The following SRGAP3 variants were observed in gnomAD, a reference collection of about 807,000 sequenced individuals.
SRGAP3 encodes the protein SLIT-ROBO Rho GTPase-activating protein 3.
A neutral mutation model predicts 121.1 loss-of-function variants in SRGAP3; 39 were observed. That is an observed-to-expected ratio of 0.32 (90% CI 0.25 to 0.42). The LOEUF is 0.42. Among genes scored for constraint, SRGAP3 ranks in the 10% least tolerant of loss-of-function variants. SRGAP3 has a pLI of 1.00. For synonymous variants in SRGAP3, 601 were observed against 570.0 expected (o/e 1.05, Z -0.77); for missense variants, 1,213 against 1,470.6 (o/e 0.82, Z 2.86).
chr3:9,248,686 C>T (rs986291379), intron 1 of SRGAP3, among the ~76,000 whole-genome samples, 199 bp downstream of exon 1: 2 of 152,176 alleles, frequency 1.3e-5, no homozygotes, highest in Non-Finnish European at 2.9e-5. Context: ...ATAATCCACA[C>T]TCCCAGCCCC....
intron 1 of SRGAP3, among the ~76,000 whole-genome samples, chr3:9,188,749 A>C (rs1951671438): frequency 6.6e-6 from 1 of 152,214 alleles, no homozygotes; most frequent in African/African-American, 2.4e-5. Context: ...AAAGCAATCT[A>C]AATTAATGCG....
intron 3 of SRGAP3, among the ~76,000 whole-genome samples, chr3:9,296,008 C>A (rs148990509): frequency 9.1e-4 from 138 of 152,278 alleles, no homozygotes; most frequent in African/African-American, 3.0e-3. Context: ...TCATTGTATA[C>A]TTAGAGCACA....
At chr3:9,071,689 T>C (rs927800099) in intron 4 of SRGAP3, among the ~76,000 whole-genome samples, 3 of 139,628 alleles carry the variant, frequency 2.1e-5, no homozygotes, top group Non-Finnish European at 4.8e-5. Flanking sequence ...GATGGATGGA[T>C]GGATTGGAAA....
intron 1 of SRGAP3, among the ~76,000 whole-genome samples, chr3:9,203,837 T>G (rs1022108794): frequency 1.3e-5 from 2 of 152,196 alleles, no homozygotes; most frequent in African/African-American, 4.8e-5. Flanking sequence ...GCAAATGGCT[T>G]TCATACCCGG....
intron 3 of SRGAP3, among the ~76,000 whole-genome samples, chr3:9,080,798 G>T (rs1050631088): frequency 6.6e-6 from 1 of 152,132 alleles, no homozygotes; most frequent in African/African-American, 2.4e-5. Context: ...AAAATCTAAT[G>T]CAGGATGATC....
chr3:9,227,528 G>C (rs1953033891), intron 1 of SRGAP3, among the ~76,000 whole-genome samples: 1 of 152,228 alleles, frequency 6.6e-6, no homozygotes, highest in Non-Finnish European at 1.5e-5. Context: ...CCAAGGTCAA[G>C]CAATTAGTAA....
chr3:9,130,449 T>C (rs898188731), intron 1 of SRGAP3, among the ~76,000 whole-genome samples: 1 of 152,112 alleles, frequency 6.6e-6, no homozygotes, highest in Non-Finnish European at 1.5e-5. Context: ...AAAATATAAC[T>C]ATGCAGTGAG....
At chr3:9,246,161 C>A (rs769408533) in intron 1 of SRGAP3, among the ~76,000 whole-genome samples, 7 of 152,098 alleles carry the variant, frequency 4.6e-5, no homozygotes, top group Non-Finnish European at 8.8e-5. Flanking sequence ...TCTATAAATT[C>A]TTGAAAAAGA....
chr3:9,199,912 C>T (rs1192664353), intron 1 of SRGAP3, among the ~76,000 whole-genome samples: 1 of 152,000 alleles, frequency 6.6e-6, no homozygotes, highest in Non-Finnish European at 1.5e-5. Flanking sequence ...AATAAAGGAA[C>T]AATGACAAAA....
chr3:9,253,047 C>T (rs1388220475), upstream of SRGAP3, among the ~76,000 whole-genome samples: 1 of 152,164 alleles, frequency 6.6e-6, no homozygotes, highest in Admixed American at 6.5e-5. Context: ...GGGCCAAGCA[C>T]TCTATGTAGA....
chr3:9,150,959 T>C (rs1383585463), intron 1 of SRGAP3, among the ~76,000 whole-genome samples: 1 of 152,200 alleles, frequency 6.6e-6, no homozygotes, highest in East Asian at 1.9e-4. Context: ...CCAGACTTTC[T>C]ACATAAGCAG....
chr3:8,990,936 A>T, intron 20 of SRGAP3, 97 bp from the exon 21 acceptor site: 2 of 1,087,426 alleles, frequency 1.8e-6, no homozygotes, highest in South Asian at 1.8e-5. Flanking sequence ...ACTACACGCT[A>T]GTCTAAGGAG....
At chr3:9,105,887 C>A (rs971976695) in intron 2 of SRGAP3, among the ~76,000 whole-genome samples, 1 of 152,202 alleles carries the variant, frequency 6.6e-6, no homozygotes, top group African/African-American at 2.4e-5. Context: ...CCTACCCTAC[C>A]TTAAACGTGC....
At chr3:9,044,745 T>C (rs941589940) in intron 10 of SRGAP3, among the ~76,000 whole-genome samples, 3 of 152,146 alleles carry the variant, frequency 2.0e-5, no homozygotes, top group African/African-American at 7.2e-5. Context: ...ACCAAAACGC[T>C]CAGGAAAAGG....
At chr3:9,274,524 G>T (rs183778268) in intron 3 of SRGAP3, among the ~76,000 whole-genome samples, 75 of 152,308 alleles carry the variant, frequency 4.9e-4, no homozygotes, top group African/African-American at 1.7e-3. Flanking sequence ...GACCCCTGAA[G>T]CCCCAGAAGG....
In SRGAP3 at chr3:9,182,175, C is replaced by CAAAAAAAAAAAA. The variant is rs34305216; in HGVS notation, c.68-57270_68-57259dup. Among the ~76,000 whole-genome samples the CAAAAAAAAAAAA allele has an allele frequency of 1.9e-4, 7 of 37,278 alleles. 1 individual carries two copies. The highest frequency in any genetic ancestry group is 2.8e-4 in the African/African-American group (2 of 7,126). 24.5% of individuals were successfully genotyped at this position (37,278 alleles called of 152,430 possible). On this transcript the variant is annotated intron_variant, in intron 1 of 21. Transcript: ENST00000383836. ...TGGATGACAGAGCAAGACTCTGTCT[C>CAAAAAAAAAAAA]AAAAAAAAAAAAAAAAAAAAAAAAA...
rs1055846837 is a variant in SRGAP3, at chr3:9,109,052, A to G, written c.261-4210T>C. On this transcript the variant is annotated intron_variant, in intron 2 of 21. Coordinates refer to ENST00000383836, the MANE Select transcript of SRGAP3 (RefSeq NM_014850.4). The surrounding 1 kb of genome is among the most constrained non-coding windows in gnomAD (Gnocchi z 4.4). ...AGCAGTAGGTTTGGACAGAAAATGCATTGCTTATCTCATTTTCACTGCTTC... is the reference window on the plus strand; with the variant it reads ...AGCAGTAGGTTTGGACAGAAAATGCGTTGCTTATCTCATTTTCACTGCTTC... Among the ~76,000 whole-genome samples the G allele has an allele frequency of 6.6e-6, 1 of 152,216 alleles. No individual in the cohort carries two copies. The highest frequency in any genetic ancestry group is 2.4e-5 in the African/African-American group (1 of 41,460).
At chr3:9,058,020 G>T (rs570023132) in intron 7 of SRGAP3, among the ~76,000 whole-genome samples, 9 of 152,334 alleles carry the variant, frequency 5.9e-5, no homozygotes, top group African/African-American at 2.2e-4. Flanking sequence ...ACATAGCTGG[G>T]AGGGGTTATA....
chr3:9,261,806 C>T (rs573683194), intron 3 of SRGAP3, among the ~76,000 whole-genome samples: 15 of 150,502 alleles, frequency 1.0e-4, no homozygotes, highest in African/African-American at 3.4e-4. Flanking sequence ...ACTTCCCCAA[C>T]CTAGCAAGAC....
Sources: gnomAD v4.1 joint callset for allele counts (sites outside exome capture counted in the v4.1 genomes callset) on GRCh38, gnomAD v4.1.1 for gene constraint, Gnocchi (gnomAD v3.1) non-coding constraint, MANE v1.5 for transcripts, NCBI Gene and HGNC (gene_info 2026-07-23, HGNC 2026-07-21) for gene names.